The following UBL7 variants were observed in gnomAD, a reference collection of about 807,000 sequenced individuals.
UBL7 encodes the protein ubiquitin like 7, also known as ubiquitin-like protein 7.
A neutral mutation model predicts 41.7 loss-of-function variants in UBL7; 21 were observed. The ratio of observed to expected loss-of-function variants is 0.50; its 90% CI spans 0.36 to 0.73. The LOEUF (loss-of-function observed/expected upper bound fraction) is 0.73, where lower values mean the gene tolerates loss of function less well. Among genes scored for constraint, UBL7 ranks in the 30% least tolerant of loss-of-function variants. UBL7 has a pLI of 0.00. For missense variants in UBL7, 403 were observed against 478.4 expected (o/e 0.84, Z 1.47); for synonymous variants, 157 against 186.9 (o/e 0.84, Z 1.31).
chr15:74,461,168 T>C, upstream of UBL7: 3 of 988,656 alleles, frequency 3.0e-6, no homozygotes, highest in Non-Finnish European at 3.6e-6. Flanking sequence ...TCTGGCCCTC[T>C]CGCCGGAAAC....
Position 74,446,222 on chromosome 15 carries a change from C to T in UBL7, c.1011G>A (p.Gln337=). The change falls in exon 11 of 11, where the codon CAG becomes CAA. Residue 337 remains glutamine, a synonymous_variant. Coordinates refer to ENST00000395081, the MANE Select transcript of UBL7 (RefSeq NM_032907.5). The surrounding 1 kb of genome is among the most constrained non-coding windows in gnomAD (Gnocchi z 4.1). The part of the protein sequence containing the change: ...QASGQPSLQS[Q]WQPQLQQLRD... Reference sequence around the variant, plus strand: ...GTAGCTGCTGCAGCTGGGGCTGCCACTGGCTCTGTGGAAAGATAGGAATGG... The same window carrying T: ...GTAGCTGCTGCAGCTGGGGCTGCCATTGGCTCTGTGGAAAGATAGGAATGG... The T allele has an allele frequency of 1.2e-6, 2 of 1,613,810 alleles. No individual in the cohort carries two copies. Among genetic ancestry groups the T allele is most frequent in the South Asian group, 1.1e-5 (1 of 91,064 alleles).
rs1035191225 is a variant in UBL7, at chr15:74,460,945, A to T, written c.-30+92T>A. ...TAAGGCAGGCATTAGCCACATTTTA[A>T]AGATGAGGGAAGCAAGACTCAGTAA... is the stretch of plus-strand genomic sequence containing the variant. On this transcript the variant is annotated intron_variant, in intron 1 of 10. Transcript: ENST00000395081. The T allele has an allele frequency of 1.6e-5, 18 of 1,148,574 alleles. No homozygotes were observed. In the East Asian group the frequency reaches 1.2e-3, roughly 79 times the overall value. 71.1% of individuals were successfully genotyped at this position (1,148,574 alleles called of 1,614,324 possible).
chr15:74,446,882 T>C lies in UBL7; in HGVS notation c.1006-655A>G, dbSNP rs900027508. Among the ~76,000 whole-genome samples the C allele has an allele frequency of 2.0e-5, 3 of 152,210 alleles. No homozygotes were observed. The highest frequency in any genetic ancestry group is 4.4e-5 in the Non-Finnish European group (3 of 68,038). On this transcript the variant is annotated intron_variant, in intron 10 of 10. Coordinates refer to ENST00000395081, the MANE Select transcript of UBL7 (RefSeq NM_032907.5). This position sits in a 1 kb window ranked among gnomAD's most constrained non-coding sequence, Gnocchi z 4.1. ...GTACTTTCATAGCTTCATTAATATC[T>C]CTATTTCATGACAGCAGGGATGAGC... is the stretch of plus-strand genomic sequence containing the variant.
At chr15:74,451,393 T>G in intron 5 of UBL7, 43 bp downstream of exon 5, 3 of 1,550,524 alleles carry the variant, frequency 1.9e-6, no homozygotes, top group Non-Finnish European at 2.7e-6. Context: ...GTTTTCTCCT[T>G]TTCCGACAAC....
intron 9 of UBL7, 140 bp from the exon 10 acceptor site, chr15:74,448,740 C>T: frequency 1.6e-6 from 2 of 1,239,080 alleles, no homozygotes; most frequent in Non-Finnish European, 1.1e-6. Flanking sequence ...ATAAGACAAC[C>T]AAACAAAGGT....
intron 3 of UBL7, among the ~76,000 whole-genome samples, chr15:74,453,388 A>G (rs1446301628): frequency 6.6e-6 from 1 of 152,190 alleles, no homozygotes; most frequent in Non-Finnish European, 1.5e-5. Context: ...GAAGACCTCA[A>G]CAGAGACGTG....
rs372313134 is a variant in UBL7 at position 74,459,602 on chromosome 15, C to G, written c.-29-706G>C. Among the ~76,000 whole-genome samples, 13 of 151,708 alleles carry G rather than the reference C, an allele frequency of 8.6e-5. No individual in the cohort carries two copies. The East Asian group carries it at 1.6e-3, about 18-fold the overall frequency. On this transcript the variant is annotated intron_variant, in intron 1 of 10. Coordinates refer to ENST00000395081, the MANE Select transcript of UBL7 (RefSeq NM_032907.5). ...AAAGTGCTGGGATTACAGGCATGAG[C>G]GACTGCGCCTGGCCACAACCCATCA...
chr15:74,446,472 C>G lies in UBL7; in HGVS notation c.1006-245G>C, dbSNP rs1226611733. Among the ~76,000 whole-genome samples, 2 of 152,222 alleles carry G rather than the reference C, an allele frequency of 1.3e-5. No homozygotes were observed. The highest frequency in any genetic ancestry group is 2.9e-5 in the Non-Finnish European group (2 of 68,042). Reference sequence around the variant, plus strand: ...GGCATAAGGATCAAAAGAGAATGTACAAATTATTCACTGTCTGAATTCCAA... The same window carrying G: ...GGCATAAGGATCAAAAGAGAATGTAGAAATTATTCACTGTCTGAATTCCAA... On this transcript the variant is annotated intron_variant, in intron 10 of 10. Coordinates refer to ENST00000395081, the MANE Select transcript of UBL7 (RefSeq NM_032907.5). The surrounding 1 kb of genome is among the most constrained non-coding windows in gnomAD (Gnocchi z 4.1).
chr15:74,457,761 T>G (rs1188273977), intron 2 of UBL7, among the ~76,000 whole-genome samples: 2 of 143,738 alleles, frequency 1.4e-5, no homozygotes, highest in South Asian at 2.2e-4. Flanking sequence ...AAAAAAAGGA[T>G]TCACACAGAA....
intron 3 of UBL7, among the ~76,000 whole-genome samples, chr15:74,453,655 C>T (rs140389938): frequency 6.6e-6 from 1 of 152,210 alleles, no homozygotes; most frequent in African/African-American, 2.4e-5. Context: ...CATTCCAGCT[C>T]AAACAGCAGG....
At chr15:74,460,198 C>G (rs1295429022) in intron 1 of UBL7, among the ~76,000 whole-genome samples, 1 of 152,038 alleles carries the variant, frequency 6.6e-6, no homozygotes, top group East Asian at 1.9e-4. Flanking sequence ...GCCGAGATAG[C>G]GCCACTGCAC....
At position 74,451,466 on chromosome 15, in the gene UBL7, G is replaced by C; in HGVS notation, c.442C>G (p.Pro148Ala). Residue 148 changes from proline to alanine, a missense_variant, in exon 5 of 11, where the codon CCA becomes GCA. By Grantham distance (27) the Pro-to-Ala change is conservative. Transcript: ENST00000395081. ...ESLDQIIVAT[P>A]GLSSDPIALG... ...GCAATAGGGTCACTGCTGAGGCCTG[G>C]GGTGGCCACAATGATCTGATCCAGA... 6.2e-7 allele frequency: 1 copy of C among 1,614,024 alleles called. No individual in the cohort carries two copies.
At chr15:74,449,424 C>T in intron 8 of UBL7, 71 bp from the exon 9 acceptor site, 1 of 1,576,334 alleles carries the variant, frequency 6.3e-7, no homozygotes, top group Non-Finnish European at 8.7e-7. Context: ...CACCCACCTC[C>T]AGCAATAGTT....
In UBL7 at chr15:74,461,108, C is replaced by G. The variant is rs905229573; in HGVS notation, c.-101G>C. The G allele has an allele frequency of 1.0e-6, 1 of 998,984 alleles. No homozygotes were observed. The highest frequency in any genetic ancestry group is 1.7e-5 in the African/African-American group (1 of 57,378). 61.9% of individuals were successfully genotyped at this position (998,984 alleles called of 1,614,324 possible). A position where few individuals can be genotyped will look rare whatever the true frequency, so the allele number is the denominator to read the frequency against. On this transcript the variant is annotated 5_prime_UTR_variant, in exon 1 of 11. Transcript: ENST00000395081. ...CTGCCCAGGGCCCCAGCGCCCTCAC[C>G]CGTCCCGCGGAAGGAACCCGGCCGC...
At chr15:74,450,714 C>T in intron 6 of UBL7, 88 bp downstream of exon 6, 2 of 1,449,960 alleles carry the variant, frequency 1.4e-6, no homozygotes, top group Non-Finnish European at 1.9e-6. Context: ...TGGATGGGCT[C>T]CCAGAGCAGA....
intron 10 of UBL7, among the ~76,000 whole-genome samples, chr15:74,447,097 A>G (rs1324803321): frequency 1.3e-5 from 2 of 152,216 alleles, no homozygotes; most frequent in African/African-American, 4.8e-5. Context: ...AATAAAGTAA[A>G]CAGGCATCTA....
chr15:74,453,760 T>C (rs1298884389), intron 3 of UBL7, among the ~76,000 whole-genome samples: 1 of 152,218 alleles, frequency 6.6e-6, no homozygotes, highest in East Asian at 1.9e-4. Context: ...TCTTCTCCTA[T>C]AGGCCCTAAT....
intron 10 of UBL7, 38 bp downstream of exon 10, chr15:74,448,440 G>A (rs1567086766): frequency 6.2e-7 from 1 of 1,610,708 alleles, no homozygotes; most frequent in Non-Finnish European, 8.5e-7. Flanking sequence ...AAAATAACAA[G>A]GAAGCCACAT....
Position 74,450,020 on chromosome 15 carries a change from G to A in UBL7, c.580C>T (p.His194Tyr), listed in dbSNP as rs775218682. 2 of 1,613,734 alleles carry A rather than the reference G, an allele frequency of 1.2e-6. No homozygotes were observed. Among genetic ancestry groups the A allele is most frequent in the Non-Finnish European group, 1.7e-6 (2 of 1,179,856 alleles). ...ALVNAIVLVL[H>Y]SVAGSAPMPG... ...ATTGGGGCACTGCCTGCTACGGAGT[G>A]CAGAACCAGGACAATGGCATTGACG... The change falls in exon 7 of 11, where the codon CAC becomes TAC. Residue 194 changes from histidine (H) to tyrosine (Y), a missense_variant. His to Tyr is a moderately conservative substitution (Grantham distance 83). Coordinates refer to ENST00000395081, the MANE Select transcript of UBL7 (RefSeq NM_032907.5).
Sources: allele counts gnomAD v4.1 joint callset (sites outside exome capture counted in the v4.1 genomes callset), GRCh38; gene constraint gnomAD v4.1.1; non-coding constraint Gnocchi (gnomAD v3.1); transcripts MANE v1.5; gene names NCBI Gene and HGNC (gene_info 2026-07-23, HGNC 2026-07-21).